Variants in ARHGAP26 observed in about 807,000 individuals in gnomAD.
The protein encoded by ARHGAP26 is rho GTPase-activating protein 26.
ARHGAP26 carries 38 observed loss-of-function variants against 104.8 expected under a neutral mutation model. That is an observed-to-expected ratio of 0.36 (90% CI 0.28 to 0.48). ARHGAP26 has a LOEUF of 0.48. Among genes scored for constraint, ARHGAP26 ranks in the 20% least tolerant of loss-of-function variants. The probability of loss-of-function intolerance (pLI) is 0.99; values close to 1 mark genes in which losing one functional copy is unlikely to be tolerated. For missense variants in ARHGAP26, 704 were observed against 947.9 expected (o/e 0.74, Z 3.38); for synonymous variants, 341 against 340.0 (o/e 1.00, Z -0.03).
intron 5 of ARHGAP26, among the ~76,000 whole-genome samples, chr5:142,890,721 A>G (rs1187750766): frequency 2.6e-5 from 4 of 152,116 alleles, no homozygotes; most frequent in African/African-American, 9.7e-5. Flanking sequence ...GGTGACAGCA[A>G]CCACCGACAT....
At position 142,906,976 on chromosome 5, in the gene ARHGAP26, A is replaced by G. The variant is rs181569218; in HGVS notation, c.833-728A>G. Among the ~76,000 whole-genome samples, 226 of 152,216 alleles carry G rather than the reference A, an allele frequency of 1.5e-3. 4 individuals are homozygous for G. Among genetic ancestry groups the G allele is most frequent in the South Asian group, 8.3e-4 (4 of 4,826 alleles). ...GGCTGACTAATGCCTTCTTCCTTTA[A>G]TAGTGCTTTGTTTTCAAGTAATTGG... On this transcript the variant is annotated intron_variant, in intron 8 of 22. Coordinates refer to ENST00000645722, the MANE Select transcript of ARHGAP26 (RefSeq NM_001135608.3).
At chr5:142,779,479 T>G (rs1757057370) in intron 1 of ARHGAP26, among the ~76,000 whole-genome samples, 1 of 152,004 alleles carries the variant, frequency 6.6e-6, no homozygotes, top group African/African-American at 2.4e-5. Flanking sequence ...GTTTGAGGGG[T>G]TTGTGAATTC....
At chr5:143,180,726 A>T (rs753300654) in intron 20 of ARHGAP26, among the ~76,000 whole-genome samples, 38 of 152,046 alleles carry the variant, frequency 2.5e-4, no homozygotes, top group South Asian at 1.0e-3. Flanking sequence ...CGGAGCATTC[A>T]CCCCCATGAT....
At chr5:143,088,150 G>A (rs558619033) in intron 17 of ARHGAP26, among the ~76,000 whole-genome samples, 1 of 152,174 alleles carries the variant, frequency 6.6e-6, no homozygotes, top group African/African-American at 2.4e-5. Context: ...CCCATTTTAT[G>A]TGCTTCTGAG....
chr5:142,870,855 A>G (rs1170889569), intron 1 of ARHGAP26, among the ~76,000 whole-genome samples: 1 of 152,186 alleles, frequency 6.6e-6, no homozygotes, highest in Non-Finnish European at 1.5e-5. Context: ...TCACCCTGTC[A>G]CCATCACCCC....
intron 17 of ARHGAP26, among the ~76,000 whole-genome samples, chr5:143,106,233 A>G (rs1045727736): frequency 1.3e-5 from 2 of 152,140 alleles, no homozygotes; most frequent in African/African-American, 2.4e-5. Flanking sequence ...AAGACTGAGC[A>G]GTGGGATCTA....
At chr5:143,120,581 G>A (rs1796016754) in intron 17 of ARHGAP26, among the ~76,000 whole-genome samples, 1 of 152,114 alleles carries the variant, frequency 6.6e-6, no homozygotes, top group South Asian at 2.1e-4. Context: ...CCATCAAGAG[G>A]TTTTACATTT....
intron 1 of ARHGAP26, among the ~76,000 whole-genome samples, chr5:142,804,449 C>A: frequency 6.6e-6 from 1 of 152,282 alleles, no homozygotes; most frequent in East Asian, 1.9e-4. Flanking sequence ...TTACTGAATT[C>A]TTCCAAGCAT....
At chr5:142,853,097 G>A (rs1344069600) in intron 1 of ARHGAP26, among the ~76,000 whole-genome samples, 1 of 152,212 alleles carries the variant, frequency 6.6e-6, no homozygotes, top group Non-Finnish European at 1.5e-5. Flanking sequence ...TCTCAGTTTG[G>A]CCCAGAAGAA....
At chr5:143,011,911 G>T (rs1290417318) in intron 11 of ARHGAP26, among the ~76,000 whole-genome samples, 1 of 152,192 alleles carries the variant, frequency 6.6e-6, no homozygotes, top group Non-Finnish European at 1.5e-5. Context: ...CTTGCATTGT[G>T]TTGTGCTGTT....
At position 143,105,857 on chromosome 5, in the gene ARHGAP26, A is replaced by G. The variant is rs527464945; in HGVS notation, c.1539-15131A>G. 2.0e-5 allele frequency among the ~76,000 whole-genome samples: 3 copies of G among 152,168 alleles called. No individual in the cohort carries two copies. In the South Asian group the frequency reaches 6.2e-4, roughly 31 times the overall value. On this transcript the variant is annotated intron_variant, in intron 17 of 22. Coordinates refer to ENST00000645722, the MANE Select transcript of ARHGAP26 (RefSeq NM_001135608.3). Reference sequence around the variant, plus strand: ...ATTAACTCATTTCTTGAAGCCACTCACTGTTTGTTTTTAAGTACCAATTTT... The same window carrying G: ...ATTAACTCATTTCTTGAAGCCACTCGCTGTTTGTTTTTAAGTACCAATTTT...
At chr5:142,800,369 C>CT (rs200656496) in intron 1 of ARHGAP26, among the ~76,000 whole-genome samples, 17,145 of 141,964 alleles carry the variant, frequency 0.12, 1,406 homozygotes, top group East Asian at 0.42. Context: ...TTTTCTTTGT[C>CT]TTTTTTTTTT....
At chr5:142,999,614 G>C (rs1010276933) in intron 11 of ARHGAP26, among the ~76,000 whole-genome samples, 3 of 152,072 alleles carry the variant, frequency 2.0e-5, no homozygotes, top group African/African-American at 7.2e-5. Flanking sequence ...TCTGGCTGCT[G>C]TGGGGGTTAA....
At chr5:143,066,040 G>A (rs773679501) in intron 17 of ARHGAP26, among the ~76,000 whole-genome samples, 6 of 152,130 alleles carry the variant, frequency 3.9e-5, no homozygotes, top group Non-Finnish European at 7.3e-5. Flanking sequence ...ACAGTCATGC[G>A]CCACATAACA....
chr5:143,013,520 A>G (rs1779169189), intron 11 of ARHGAP26, among the ~76,000 whole-genome samples: 1 of 152,222 alleles, frequency 6.6e-6, no homozygotes, highest in Non-Finnish European at 1.5e-5. Context: ...TTCTAGAAGT[A>G]TGTAGAGTAA....
In ARHGAP26 at chr5:143,130,787, G is replaced by A. The variant is rs1201472524; in HGVS notation, c.1699-3180G>A. 3.3e-5 allele frequency among the ~76,000 whole-genome samples: 5 copies of A among 152,226 alleles called. No homozygotes were observed. In the South Asian group the frequency reaches 8.3e-4, roughly 25 times the overall value. ...AAGTGTCAGAGTTAAATAAACAACA[G>A]TCACTTGGGGAATGATTTTCCAGAG... On this transcript the variant is annotated intron_variant, in intron 18 of 22. Coordinates refer to ENST00000645722, the MANE Select transcript of ARHGAP26 (RefSeq NM_001135608.3).
intron 1 of ARHGAP26, among the ~76,000 whole-genome samples, chr5:142,849,987 T>C (rs1427940671): frequency 6.6e-6 from 1 of 152,220 alleles, no homozygotes; most frequent in Non-Finnish European, 1.5e-5. Flanking sequence ...GTTCAGACCC[T>C]GGCTACCTCT....
chr5:143,208,668 G>A (rs1356335275), intron 21 of ARHGAP26, among the ~76,000 whole-genome samples: 1 of 152,116 alleles, frequency 6.6e-6, no homozygotes, highest in Non-Finnish European at 1.5e-5. Flanking sequence ...CTCCCCCTCA[G>A]CTCAGCACTC....
Position 142,885,382 on chromosome 5 carries a change from G to A in ARHGAP26, c.469G>A (p.Glu157Lys). The A allele has an allele frequency of 6.2e-7, 1 of 1,613,396 alleles. No individual in the cohort carries two copies. Among genetic ancestry groups the A allele is most frequent in the Non-Finnish European group, 8.5e-7 (1 of 1,179,526 alleles). The change falls in exon 5 of 23, where the codon GAA (glutamate) becomes AAA (lysine). Residue 157 changes from glutamate (E) to lysine (K), a missense_variant. Physicochemically the swap from Glu to Lys is moderately conservative, Grantham distance 56 (BLOSUM62 1). This residue lies in a region of ARHGAP26 where 106 missense variants were observed against 120.5 expected (regional missense o/e 0.88). Coordinates refer to ENST00000645722, the MANE Select transcript of ARHGAP26 (RefSeq NM_001135608.3). ...CTTGAATTTGTCTTCCAAAAAGAAA[G>A]AATCTCAGCTTCAGGAGGTAAGAGA... The part of the protein sequence containing the change: ...KHLNLSSKKK[E>K]SQLQEADSQV...
Sources: gnomAD v4.1 joint callset for allele counts (sites outside exome capture counted in the v4.1 genomes callset) on GRCh38, gnomAD v4.1.1 for gene constraint, gnomAD v4.1.1 regional missense constraint, MANE v1.5 for transcripts, NCBI Gene and HGNC (gene_info 2026-07-23, HGNC 2026-07-21) for gene names.